BRAF: variants seen among roughly 807,000 people sequenced by gnomAD.
BRAF encodes the protein B-Raf proto-oncogene, serine/threonine kinase.
A neutral mutation model predicts 104.6 loss-of-function variants in BRAF; 16 were observed. That is an observed-to-expected ratio of 0.15 (90% CI 0.10 to 0.23). The LOEUF is 0.23. BRAF is among the 10% of genes least tolerant of loss of function. The probability of loss-of-function intolerance (pLI) is 1.00; values close to 1 mark genes in which losing one functional copy is unlikely to be tolerated. For missense variants in BRAF, 541 were observed against 937.3 expected, an observed-to-expected ratio of 0.58 and a Z score of 5.52; for synonymous variants, 310 against 341.6, an observed-to-expected ratio of 0.91 and a Z score of 1.02.
At chr7:140,893,252 C>CTTTT in intron 1 of BRAF, among the ~76,000 whole-genome samples, 1 of 141,726 alleles carries the variant, frequency 7.1e-6, no homozygotes, top group South Asian at 2.2e-4. Flanking sequence ...CCATAACATT[C>CTTTT]TTTTTTTTTT....
intron 1 of BRAF, among the ~76,000 whole-genome samples, chr7:140,896,591 C>T (rs1234549863): frequency 2.0e-5 from 3 of 149,972 alleles, no homozygotes; most frequent in Non-Finnish European, 4.4e-5. Flanking sequence ...ATGGCCCAGG[C>T]GCGGTGGCTC....
chr7:140,753,422 T>C lies in BRAF; in HGVS notation c.1862-29A>G, dbSNP rs143181039. 3.0e-4 allele frequency: 424 copies of C among 1,398,836 alleles called. No homozygotes were observed. The highest frequency in any genetic ancestry group is 3.7e-4 in the Non-Finnish European group (369 of 985,512). The allele number at this position is 1,398,836 out of a possible 1,614,324, so 86.7% of individuals were successfully genotyped here. A position where few individuals can be genotyped will look rare whatever the true frequency, so the allele number is the denominator to read the frequency against. ...AGGTGTAGTAAGTAAAGGAAAACAG[T>C]AGATCTCATTTTCCTATCAGAGCAA... On this transcript the variant is annotated intron_variant, in intron 15 of 19. Transcript: ENST00000644969.
intron 1 of BRAF, among the ~76,000 whole-genome samples, chr7:140,874,098 A>T (rs73502712): frequency 0.091 from 13,872 of 152,206 alleles, 2,086 homozygotes; most frequent in African/African-American, 0.32. Context: ...CAGAACACAT[A>T]GAGCAGCTAA....
At position 140,726,498 on chromosome 7, in the gene BRAF, T is replaced by C. The variant is rs1029743284; in HGVS notation, c.2420A>G (p.Lys807Arg). ...CAGATGCTGCCATGATGGTGGCTAC[T>C]TGAAGGCTGCAAATTCTCCTGTAGA... ...AGGYGEFAAF[K>R] The change falls in exon 20 of 20, where the codon AAG becomes AGG. Residue 807 changes from lysine to arginine, a missense_variant. Around this residue, in one of 10 missense-constraint regions of BRAF, gnomAD observed 129 missense variants for 285.8 expected, o/e 0.45. Coordinates refer to ENST00000644969, the MANE Select transcript of BRAF (RefSeq NM_001374258.1). 4.6e-6 allele frequency: 7 copies of C among 1,536,496 alleles called. No homozygotes were observed. The highest frequency in any genetic ancestry group is 5.2e-6 in the Non-Finnish European group (6 of 1,146,982).
Position 140,724,920 on chromosome 7 carries a change from G to A in BRAF, c.*1574C>T. Reference sequence around the variant, plus strand: ...ATATTACCCTTTAATAAAGGCCAAAGGAAGCTATAACTAGGTTATATTTTC... The same window carrying A: ...ATATTACCCTTTAATAAAGGCCAAAAGAAGCTATAACTAGGTTATATTTTC... On this transcript the variant is annotated 3_prime_UTR_variant, in exon 20 of 20. Coordinates refer to ENST00000644969, the MANE Select transcript of BRAF (RefSeq NM_001374258.1). The A allele has an allele frequency of 9.6e-7, 1 of 1,040,164 alleles. No individual in the cohort carries two copies. The highest frequency in any genetic ancestry group is 1.2e-6 in the Non-Finnish European group (1 of 863,454). The allele number at this position is 1,040,164 out of a possible 1,614,324, so 64.4% of individuals were successfully genotyped here.
chr7:140,866,443 G>A (rs7792984), intron 1 of BRAF, among the ~76,000 whole-genome samples: 45,375 of 152,018 alleles, frequency 0.3, 10,811 homozygotes, highest in African/African-American at 0.66. Flanking sequence ...AGGACTGTGC[G>A]CTCTGTGAAT....
intron 3 of BRAF, among the ~76,000 whole-genome samples, chr7:140,823,240 T>C (rs1412699303): frequency 6.6e-6 from 1 of 152,188 alleles, no homozygotes; most frequent in Non-Finnish European, 1.5e-5. Flanking sequence ...GTTAAGTACA[T>C]TCACAATGTT....
chr7:140,825,747 T>G (rs1805979445), intron 3 of BRAF, among the ~76,000 whole-genome samples: 1 of 152,172 alleles, frequency 6.6e-6, no homozygotes. Context: ...AGTATATTAT[T>G]CTATTGTTTT....
chr7:140,785,995 G>A (rs1053441071), intron 9 of BRAF, among the ~76,000 whole-genome samples: 2 of 152,136 alleles, frequency 1.3e-5, no homozygotes, highest in Non-Finnish European at 2.9e-5. Flanking sequence ...AAAAGGACAA[G>A]AAATGCCACT....
At chr7:140,778,204 T>C (rs1316996370) in intron 12 of BRAF, 129 bp from the exon 12 acceptor site, 3 of 833,630 alleles carry the variant, frequency 3.6e-6, no homozygotes, top group Admixed American at 4.2e-5. Flanking sequence ...AAATAAATTA[T>C]ACTTTAGCTA....
At chr7:140,809,560 C>CT (rs1019508314) in intron 3 of BRAF, among the ~76,000 whole-genome samples, 3 of 152,296 alleles carry the variant, frequency 2.0e-5, no homozygotes, top group Admixed American at 2.0e-4. Context: ...AGGGTCACTA[C>CT]TTTTATGTCA....
At chr7:140,790,845 G>A (rs926358534) in intron 8 of BRAF, among the ~76,000 whole-genome samples, 1 of 152,124 alleles carries the variant, frequency 6.6e-6, no homozygotes, top group Non-Finnish European at 1.5e-5. Context: ...AGTGGCTCAC[G>A]CCTGTAATCC....
intron 18 of BRAF, among the ~76,000 whole-genome samples, chr7:140,735,547 C>T (rs1174833994): frequency 6.6e-6 from 1 of 152,008 alleles, no homozygotes; most frequent in East Asian, 1.9e-4. Flanking sequence ...TGTTATTGTC[C>T]TGAGATACCA....
At chr7:140,898,641 G>T (rs1815234300) in intron 1 of BRAF, among the ~76,000 whole-genome samples, 1 of 152,098 alleles carries the variant, frequency 6.6e-6, no homozygotes, top group African/African-American at 2.4e-5. Context: ...ACAACCCAAG[G>T]TAAGAAATAG....
intron 14 of BRAF, 74 bp downstream of exon 13, chr7:140,776,835 ATAG>A: frequency 7.1e-7 from 1 of 1,413,642 alleles, no homozygotes; most frequent in East Asian, 2.3e-5. Context: ...ATCCAAAAGA[ATAG>A]CAGCCAAAAC....
intron 7 of BRAF, chr7:140,799,503 T>C (rs117763690): frequency 0.015 from 3,530 of 232,476 alleles, 28 homozygotes; most frequent in South Asian, 0.029. Flanking sequence ...TTAAGTTAGA[T>C]AAACCTTTCT....
chr7:140,744,519 G>C (rs1046548787), intron 17 of BRAF, among the ~76,000 whole-genome samples: 3 of 152,206 alleles, frequency 2.0e-5, no homozygotes, highest in Non-Finnish European at 4.4e-5. Flanking sequence ...TGAGTTTTCA[G>C]CAAGTCCTTT....
chr7:140,715,164 T>G (rs1247269922), downstream of BRAF, among the ~76,000 whole-genome samples: 3 of 152,136 alleles, frequency 2.0e-5, no homozygotes, highest in South Asian at 6.2e-4. Flanking sequence ...GGGTTTCCAG[T>G]CCCACTTTGG....
At chr7:140,918,947 G>A (rs1817911452) in intron 1 of BRAF, among the ~76,000 whole-genome samples, 1 of 151,824 alleles carries the variant, frequency 6.6e-6, no homozygotes, top group South Asian at 2.1e-4. Context: ...AGACCATCCT[G>A]GCCAACACGG....
Sources: allele counts gnomAD v4.1 joint callset (sites outside exome capture counted in the v4.1 genomes callset), GRCh38; gene constraint gnomAD v4.1.1; regional missense constraint gnomAD v4.1.1; transcripts MANE v1.5; gene names NCBI Gene and HGNC (gene_info 2026-07-23, HGNC 2026-07-21).